The following NEURL1 variants were observed in gnomAD, a reference collection of about 807,000 sequenced individuals.
NEURL1 encodes E3 ubiquitin-protein ligase NEURL1.
Under a neutral mutation model 41.2 loss-of-function variants are expected in NEURL1, and 26 were observed. The observed-to-expected ratio is 0.63, with a 90% CI of 0.46 to 0.87. The LOEUF is 0.87. NEURL1 is among the 40% of genes least tolerant of loss of function. The pLI is 0.00. For synonymous variants in NEURL1, 400 were observed against 402.3 expected (o/e 0.99, Z 0.07); for missense variants, 761 against 871.1 (o/e 0.87, Z 1.59).
At chr10:103,509,146 C>G (rs917676160) in intron 1 of NEURL1, among the ~76,000 whole-genome samples, 10 of 151,198 alleles carry the variant, frequency 6.6e-5, no homozygotes, top group Non-Finnish European at 1.3e-4. Flanking sequence ...GCAGGAGAAT[C>G]ACTTGAACCC....
Position 103,570,936 on chromosome 10 carries a change from G to T in NEURL1, c.150G>T (p.Pro50=), listed in dbSNP as rs140066940. 6.2e-7 allele frequency: 1 copy of T among 1,613,738 alleles called. No homozygotes were observed. Among genetic ancestry groups the T allele is most frequent in the African/African-American group, 1.3e-5 (1 of 74,870 alleles). Residue 50 remains proline (P), a synonymous_variant, in exon 2 of 6, where the codon CCG becomes CCT. Transcript: ENST00000369780. The part of the protein sequence containing the change: ...HRCHHKQKHC[P]AVLPSGGLPA... The stretch of plus-strand genomic sequence containing the variant: ...GCCACCACAAGCAGAAGCACTGTCC[G>T]GCAGTGCTGCCCAGCGGGGGGCTCC...
At position 103,494,468 on chromosome 10, in the gene NEURL1, C is replaced by A; in HGVS notation, c.81C>A (p.Leu27=). The A allele has an allele frequency of 6.4e-7, 1 of 1,574,390 alleles. No homozygotes were observed. Among genetic ancestry groups the A allele is most frequent in the Non-Finnish European group, 8.6e-7 (1 of 1,160,500 alleles). Residue 27 remains leucine, a synonymous_variant, in exon 1 of 6, where the codon CTC becomes CTA. Coordinates refer to ENST00000369780, the MANE Select transcript of NEURL1 (RefSeq NM_004210.5). ...CGCCGCGGGGCCACCCCCAGAACCT[C>A]AAAGGTAGGCTCCCCGGCCGAGCGC... The part of the protein sequence containing the change: ...SRAPRGHPQN[L]KDSIGGPFPV...
At chr10:103,570,789 C>T (rs367555021) in intron 1 of NEURL1, 83 bp from the exon 2 acceptor site, 99 of 1,543,192 alleles carry the variant, frequency 6.4e-5, no homozygotes, top group African/African-American at 5.1e-4. Flanking sequence ...TGGTCATGCC[C>T]AGCCTCTGCC....
chr10:103,563,885 C>G (rs1407565205), intron 1 of NEURL1, among the ~76,000 whole-genome samples: 1 of 152,226 alleles, frequency 6.6e-6, no homozygotes, highest in Non-Finnish European at 1.5e-5. Flanking sequence ...AACCTAACTT[C>G]AGAGGATCTG....
intron 3 of NEURL1, among the ~76,000 whole-genome samples, chr10:103,581,712 A>T (rs973467795): frequency 2.6e-5 from 4 of 152,188 alleles, no homozygotes; most frequent in African/African-American, 9.7e-5. Context: ...TGATGGCCAC[A>T]CTATGCCTTG....
intron 3 of NEURL1, among the ~76,000 whole-genome samples, chr10:103,582,192 C>G (rs1220854570): frequency 6.6e-6 from 1 of 152,124 alleles, no homozygotes. Flanking sequence ...GTTACTGCCC[C>G]TTCCCCTCTC....
intron 1 of NEURL1, among the ~76,000 whole-genome samples, chr10:103,565,746 GCTCAAGTGATC>G (rs1160461749): frequency 3.9e-5 from 6 of 152,160 alleles, no homozygotes; most frequent in African/African-American, 1.4e-4. Flanking sequence ...AACTTTCCAG[GCTCAAGTGATC>G]CTCCCGCCTT....
chr10:103,520,063 T>TA (rs2034312054), intron 1 of NEURL1, among the ~76,000 whole-genome samples: 1 of 152,096 alleles, frequency 6.6e-6, no homozygotes, highest in African/African-American at 2.4e-5. Context: ...GGATAACAGG[T>TA]GTAAGCCACT....
intron 1 of NEURL1, among the ~76,000 whole-genome samples, chr10:103,538,797 C>T (rs2034754262): frequency 6.6e-6 from 1 of 151,016 alleles, no homozygotes; most frequent in African/African-American, 2.4e-5. Flanking sequence ...CAGGGGCATG[C>T]CACCTTGCCC....
intron 1 of NEURL1, among the ~76,000 whole-genome samples, chr10:103,555,884 T>A (rs1161832597): frequency 3.3e-5 from 5 of 152,152 alleles, no homozygotes; most frequent in Admixed American, 2.6e-4. Context: ...GGTGCTGTGT[T>A]CTATGCTGGA....
At chr10:103,590,111 G>A in intron 5 of NEURL1, 23 bp from the exon 6 acceptor site, 1 of 1,610,256 alleles carries the variant, frequency 6.2e-7, no homozygotes, top group Non-Finnish European at 8.5e-7. Context: ...GTCTCCTCCT[G>A]ACTGGTGCCC....
At chr10:103,536,296 C>T (rs925463471) in intron 1 of NEURL1, among the ~76,000 whole-genome samples, 4 of 152,166 alleles carry the variant, frequency 2.6e-5, no homozygotes, top group African/African-American at 7.2e-5. Context: ...TTAATCCCAG[C>T]GCTTTGGGAG....
chr10:103,532,696 C>CTT (rs540103930), intron 1 of NEURL1, among the ~76,000 whole-genome samples: 1 of 148,276 alleles, frequency 6.7e-6, no homozygotes, highest in Admixed American at 6.8e-5. Flanking sequence ...TTAGAATTCT[C>CTT]TTTTTTTTTT....
chr10:103,550,719 T>A (rs1409310765), intron 1 of NEURL1: 1 of 152,262 alleles, frequency 6.6e-6, no homozygotes, highest in Admixed American at 6.5e-5. Context: ...TTCTCTCCTC[T>A]AAGCAAGAGG....
chr10:103,531,516 A>G (rs1181871715), intron 1 of NEURL1, among the ~76,000 whole-genome samples: 2 of 151,766 alleles, frequency 1.3e-5, no homozygotes, highest in African/African-American at 4.8e-5. Flanking sequence ...CTGGGATTAC[A>G]GATGTGAGCA....
chr10:103,569,107 GC>G (rs1251381351), intron 1 of NEURL1, among the ~76,000 whole-genome samples: 1 of 152,226 alleles, frequency 6.6e-6, no homozygotes, highest in Non-Finnish European at 1.5e-5. Flanking sequence ...GAGCCATGGT[GC>G]CTGGGCCACT....
intron 1 of NEURL1, among the ~76,000 whole-genome samples, chr10:103,501,256 A>T (rs1360681581): frequency 2.0e-5 from 3 of 152,162 alleles, no homozygotes; most frequent in African/African-American, 7.2e-5. Flanking sequence ...GCATGTAGTG[A>T]TTTTATTTCA....
chr10:103,518,578 A>T (rs1231311708), intron 1 of NEURL1, among the ~76,000 whole-genome samples: 1 of 152,230 alleles, frequency 6.6e-6, no homozygotes, highest in African/African-American at 2.4e-5. Context: ...ACCATGAGTG[A>T]GGCAGATACA....
intron 3 of NEURL1, among the ~76,000 whole-genome samples, chr10:103,579,840 G>C (rs560510358): frequency 4.0e-4 from 61 of 152,302 alleles, no homozygotes; most frequent in Admixed American, 1.3e-3. Flanking sequence ...CACTTTGGAG[G>C]CTGAGGCACA....
Sources: allele counts gnomAD v4.1 joint callset (sites outside exome capture counted in the v4.1 genomes callset), GRCh38; gene constraint gnomAD v4.1.1; transcripts MANE v1.5; gene names NCBI Gene and HGNC (gene_info 2026-07-23, HGNC 2026-07-21).